Variants in IGSF21 observed in about 807,000 individuals in gnomAD.
The protein encoded by IGSF21 is immunoglobulin superfamily member 21.
A neutral mutation model predicts 46.8 loss-of-function variants in IGSF21; 28 were observed. The observed-to-expected ratio is 0.60, with a 90% CI of 0.44 to 0.82. The LOEUF is 0.82. IGSF21 is among the 40% of genes least tolerant of loss of function. The pLI, the probability that IGSF21 is intolerant of heterozygous loss-of-function variation, is 0.00. For missense variants in IGSF21, 624 were observed against 665.5 expected, an observed-to-expected ratio of 0.94 and a Z score of 0.69; for synonymous variants, 284 against 273.6, an observed-to-expected ratio of 1.04 and a Z score of -0.38.
intron 1 of IGSF21, among the ~76,000 whole-genome samples, chr1:18,191,919 GC>G (rs2086961305): frequency 6.6e-6 from 1 of 152,132 alleles, no homozygotes; most frequent in African/African-American, 2.4e-5. Context: ...TGTGGAAGGC[GC>G]TGGCCCTGCC....
intron 2 of IGSF21, among the ~76,000 whole-genome samples, chr1:18,233,540 T>C (rs1480601156): frequency 5.3e-5 from 8 of 152,210 alleles, no homozygotes; most frequent in Non-Finnish European, 1.5e-5. Context: ...CATGAAAACA[T>C]GTATTTTGTA....
At chr1:18,242,373 T>C (rs2084740410) in intron 2 of IGSF21, among the ~76,000 whole-genome samples, 1 of 152,198 alleles carries the variant, frequency 6.6e-6, no homozygotes, top group Non-Finnish European at 1.5e-5. Context: ...CTGCTTCCAG[T>C]CATGGCACAC....
intron 2 of IGSF21, among the ~76,000 whole-genome samples, chr1:18,289,774 C>G (rs1219735991): frequency 6.6e-6 from 1 of 152,180 alleles, no homozygotes; most frequent in Non-Finnish European, 1.5e-5. Context: ...CCAGTTGTGA[C>G]AACCAAAAAT....
chr1:18,302,798 T>C lies in IGSF21; in HGVS notation c.305+10811T>C, dbSNP rs571748926. ...GAGGGTCAGGGGTATTTCTCCTTGG[T>C]TGGGTCTTGGGTTAGTGAAGACATT... is the stretch of plus-strand genomic sequence containing the variant. On this transcript the variant is annotated intron_variant, in intron 3 of 9. Coordinates refer to ENST00000251296, the MANE Select transcript of IGSF21 (RefSeq NM_032880.5). Among the ~76,000 whole-genome samples, 3 of 152,242 alleles carry C rather than the reference T, an allele frequency of 2.0e-5. No individual in the cohort carries two copies. In the East Asian group the frequency reaches 5.8e-4, roughly 29 times the overall value.
In IGSF21 at chr1:18,108,193, C is replaced by T. The variant is rs1441647073; in HGVS notation, c.65C>T (p.Ala22Val). 7.0e-7 allele frequency: 1 copy of T among 1,430,038 alleles called. No individual in the cohort carries two copies. Among genetic ancestry groups the T allele is most frequent in the Non-Finnish European group, 9.1e-7 (1 of 1,093,264 alleles). 88.6% of individuals were successfully genotyped at this position (1,430,038 alleles called of 1,614,324 possible). A position where few individuals can be genotyped will look rare whatever the true frequency, so the allele number is the denominator to read the frequency against. ...CTGCTCGCCGCGATCCTGGACCTGG[C>T]GCGCGGTGAGTGCGCGGGCGCCTGG... ...CLLLAAILDL[A>V]RGYLTVNIEP... Residue 22 changes from alanine (A) to valine (V), a missense_variant, in exon 1 of 10, where the codon GCG becomes GTG. Transcript: ENST00000251296.
intron 8 of IGSF21, 98 bp from the exon 9 acceptor site, chr1:18,377,295 T>C: frequency 9.2e-7 from 1 of 1,082,658 alleles, no homozygotes; most frequent in East Asian, 2.4e-5. Context: ...AGACAGTGCG[T>C]GTGATACCTC....
chr1:18,278,962 G>T, intron 2 of IGSF21: 3 of 469,294 alleles, frequency 6.4e-6, no homozygotes, highest in Non-Finnish European at 8.9e-6. Flanking sequence ...ATCAAATGTT[G>T]GGGGAAGAAA....
chr1:18,355,446 A>C (rs1007130603), intron 4 of IGSF21, among the ~76,000 whole-genome samples: 1 of 152,148 alleles, frequency 6.6e-6, no homozygotes, highest in African/African-American at 2.4e-5. Flanking sequence ...TGTTGAGTCT[A>C]AAATAACTTC....
At chr1:18,210,597 C>A (rs562700740) in intron 1 of IGSF21, among the ~76,000 whole-genome samples, 1 of 152,172 alleles carries the variant, frequency 6.6e-6, no homozygotes, top group African/African-American at 2.4e-5. Context: ...GCATACCCCC[C>A]TGAAGTTTGT....
chr1:18,257,506 G>C (rs529691407), intron 2 of IGSF21, among the ~76,000 whole-genome samples: 1 of 152,222 alleles, frequency 6.6e-6, no homozygotes, highest in Non-Finnish European at 1.5e-5. Flanking sequence ...TGGAGGCTAC[G>C]GAGGCTCAGA....
intron 4 of IGSF21, among the ~76,000 whole-genome samples, chr1:18,341,530 G>C (rs1180918808): frequency 6.6e-6 from 1 of 152,146 alleles, no homozygotes; most frequent in African/African-American, 2.4e-5. Context: ...GTCACCCTTC[G>C]TTGGGCACTG....
rs2085081806 is a variant in IGSF21 at position 18,274,587 on chromosome 1, G to A, written c.184-17279G>A. ...TCCAGGGCTGTTTTGTGCTATAAGA[G>A]CAGAGTTGATTAATTGTGACAGACG... On this transcript the variant is annotated intron_variant, in intron 2 of 9. Coordinates refer to ENST00000251296, the MANE Select transcript of IGSF21 (RefSeq NM_032880.5). Among the ~76,000 whole-genome samples, 4 of 152,272 alleles carry A rather than the reference G, an allele frequency of 2.6e-5. No homozygotes were observed. The South Asian group carries it at 8.3e-4, about 31-fold the overall frequency.
At chr1:18,232,778 A>G (rs1360524178) in intron 2 of IGSF21, among the ~76,000 whole-genome samples, 1 of 152,240 alleles carries the variant, frequency 6.6e-6, no homozygotes, top group Non-Finnish European at 1.5e-5. Context: ...CATTTGCTAA[A>G]TTAACAAATC....
intron 3 of IGSF21, among the ~76,000 whole-genome samples, chr1:18,313,202 G>T (rs979679466): frequency 6.6e-6 from 1 of 152,274 alleles, no homozygotes; most frequent in Non-Finnish European, 1.5e-5. Flanking sequence ...AAGAAACTCG[G>T]GGAGGTCTCG....
chr1:18,244,998 G>A (rs2084771021), intron 2 of IGSF21, among the ~76,000 whole-genome samples: 2 of 152,062 alleles, frequency 1.3e-5, no homozygotes, highest in Non-Finnish European at 2.9e-5. Context: ...AATGAACTTA[G>A]GACAGTGCCT....
rs142320062 is a variant in IGSF21, at chr1:18,239,764, C to T, written c.183+11754C>T. ...CAGCTTCAGTGTTGCCCCCCCTCCC[C>T]GCCACCAGAGGCTTTTCCCCATCCA... On this transcript the variant is annotated intron_variant, in intron 2 of 9. Coordinates refer to ENST00000251296, the MANE Select transcript of IGSF21 (RefSeq NM_032880.5). Among the ~76,000 whole-genome samples the T allele has an allele frequency of 7.4e-3, 1,126 of 152,176 alleles. 9 individuals are homozygous for T. The highest frequency in any genetic ancestry group is 0.025 in the African/African-American group (1,048 of 41,528).
chr1:18,113,150 T>C (rs976929790), intron 1 of IGSF21: 3 of 152,194 alleles, frequency 2.0e-5, no homozygotes, highest in African/African-American at 4.8e-5. Context: ...TTACTACTTG[T>C]AGGAGGCTGC....
intron 1 of IGSF21, among the ~76,000 whole-genome samples, chr1:18,212,765 G>A (rs550196009): frequency 6.6e-6 from 1 of 152,352 alleles, no homozygotes; most frequent in South Asian, 2.1e-4. Context: ...CACCTCACAA[G>A]CATCCTGTGG....
In IGSF21 at chr1:18,162,412, C is replaced by CTTTGAAT. The variant is rs1382516281; in HGVS notation, c.70+54227_70+54233dup. Among the ~76,000 whole-genome samples the CTTTGAAT allele has an allele frequency of 3.3e-5, 5 of 152,274 alleles. No homozygotes were observed. The East Asian group carries it at 9.7e-4, about 29-fold the overall frequency. On this transcript the variant is annotated intron_variant, in intron 1 of 9. Transcript: ENST00000251296. The stretch of plus-strand genomic sequence containing the variant: ...CAATAGCCATTTGGTAGAAACCATC[C>CTTTGAAT]TTTGAATTTTGAATTTTGATGCAGT...
Sources: allele counts gnomAD v4.1 joint callset (sites outside exome capture counted in the v4.1 genomes callset), GRCh38; gene constraint gnomAD v4.1.1; transcripts MANE v1.5; gene names NCBI Gene and HGNC (gene_info 2026-07-23, HGNC 2026-07-21).